The following DAB1 variants were observed in gnomAD, a reference collection of about 807,000 sequenced individuals.
DAB1 encodes disabled homolog 1.
Under a neutral mutation model 64.6 loss-of-function variants are expected in DAB1, and 15 were observed. The ratio of observed to expected loss-of-function variants is 0.23; its 90% confidence interval spans 0.16 to 0.36. The LOEUF (loss-of-function observed/expected upper bound fraction) is 0.36. DAB1 is among the 10% of genes least tolerant of loss of function. The pLI, the probability that DAB1 is intolerant of heterozygous loss-of-function variation, is 1.00. For synonymous variants in DAB1, 235 were observed against 251.9 expected, an observed-to-expected ratio of 0.93 and a Z score of 0.64; for missense variants, 596 against 706.7, an observed-to-expected ratio of 0.84 and a Z score of 1.78.
At chr1:57,336,712 C>T (rs143298938) in intron 1 of DAB1, among the ~76,000 whole-genome samples, 3 of 152,284 alleles carry the variant, frequency 2.0e-5, no homozygotes, top group African/African-American at 4.8e-5. Flanking sequence ...CATTATTCTG[C>T]CCCTTACAAG....
chr1:57,574,947 A>G (rs1645233821), intron 7 of DAB1, among the ~76,000 whole-genome samples: 1 of 152,208 alleles, frequency 6.6e-6, no homozygotes, highest in South Asian at 2.1e-4. Flanking sequence ...TCATCCATAT[A>G]AAAGATACCT....
intron 5 of DAB1, among the ~76,000 whole-genome samples, chr1:58,086,499 C>T (rs1402271122): frequency 2.6e-5 from 4 of 152,106 alleles, no homozygotes; most frequent in East Asian, 3.9e-4. Flanking sequence ...TAGTGTAAGG[C>T]GCTGGGGAGA....
intron 7 of DAB1, among the ~76,000 whole-genome samples, chr1:57,461,276 C>T (rs566129554): frequency 6.6e-6 from 1 of 152,208 alleles, no homozygotes; most frequent in Admixed American, 6.5e-5. Flanking sequence ...GAGAATTTTC[C>T]CTCTTCCATC....
chr1:58,176,955 G>T (rs1057346387), intron 4 of DAB1, among the ~76,000 whole-genome samples: 1 of 151,512 alleles, frequency 6.6e-6, no homozygotes, highest in Non-Finnish European at 1.5e-5. Flanking sequence ...CTCCAGCCTG[G>T]GTGACGGAGA....
intron 1 of DAB1, chr1:57,862,972 T>A (rs1201161976): frequency 6.6e-6 from 1 of 152,194 alleles, no homozygotes; most frequent in Non-Finnish European, 1.5e-5. Flanking sequence ...CATAAAGACT[T>A]GTGCACAAAT....
At chr1:57,043,389 T>G (rs1570577684) in intron 9 of DAB1, among the ~76,000 whole-genome samples, 1 of 152,296 alleles carries the variant, frequency 6.6e-6, no homozygotes, top group South Asian at 2.1e-4. Flanking sequence ...CACTTTGACA[T>G]GTAAGCTTTC....
chr1:57,303,110 G>A (rs537817255), intron 1 of DAB1, among the ~76,000 whole-genome samples: 2 of 152,294 alleles, frequency 1.3e-5, no homozygotes, highest in East Asian at 3.9e-4. Context: ...GAAAACTGGG[G>A]CTTTTGAACT....
At chr1:57,603,477 T>C (rs1415029309) in intron 7 of DAB1, among the ~76,000 whole-genome samples, 1 of 152,218 alleles carries the variant, frequency 6.6e-6, no homozygotes, top group Non-Finnish European at 1.5e-5. Flanking sequence ...CTCATCACTC[T>C]GACCATCTAA....
At chr1:58,490,137 C>T (rs1569876944) in intron 3 of DAB1, among the ~76,000 whole-genome samples, 1 of 152,128 alleles carries the variant, frequency 6.6e-6, no homozygotes, top group South Asian at 2.1e-4. Context: ...GACGATCAAA[C>T]TACTCTGAGC....
chr1:57,465,301 C>T (rs1166668774), intron 7 of DAB1, among the ~76,000 whole-genome samples: 5 of 152,198 alleles, frequency 3.3e-5, no homozygotes, highest in Non-Finnish European at 5.9e-5. Context: ...ACTCTGCACA[C>T]TAAATCTATT....
chr1:58,395,473 C>T (rs1272838053), intron 3 of DAB1, among the ~76,000 whole-genome samples: 1 of 152,172 alleles, frequency 6.6e-6, no homozygotes, highest in Non-Finnish European at 1.5e-5. Context: ...TTCTATGATA[C>T]CATATGTGGA....
At chr1:57,624,501 C>T (rs530977859) in intron 7 of DAB1, among the ~76,000 whole-genome samples, 1 of 152,148 alleles carries the variant, frequency 6.6e-6, no homozygotes, top group African/African-American at 2.4e-5. Context: ...GACGGTTATA[C>T]CCAACTTGAA....
At chr1:58,108,090 C>T (rs1651768453) in intron 5 of DAB1, among the ~76,000 whole-genome samples, 2 of 152,184 alleles carry the variant, frequency 1.3e-5, no homozygotes, top group African/African-American at 2.4e-5. Flanking sequence ...GCACACAGCA[C>T]TGGTGAGAAA....
intron 2 of DAB1, among the ~76,000 whole-genome samples, chr1:57,280,544 G>C (rs1445133255): frequency 1.3e-5 from 2 of 152,226 alleles, no homozygotes; most frequent in Non-Finnish European, 2.9e-5. Flanking sequence ...CAAGGACTCA[G>C]AGGGCTAATG....
chr1:57,641,378 G>GTTTTTTTTTTTTTTTTTTT (rs1491296848), intron 7 of DAB1, among the ~76,000 whole-genome samples: 1 of 109,804 alleles, frequency 9.1e-6, no homozygotes. Context: ...TTTTTTTGTT[G>GTTTTTTTTTTTTTTTTTTT]GTTTTTTTTT....
chr1:57,848,292 A>T (rs974369117), intron 1 of DAB1, among the ~76,000 whole-genome samples: 15 of 152,266 alleles, frequency 9.9e-5, no homozygotes, highest in Admixed American at 9.2e-4. Context: ...AACCTAACCA[A>T]GATAGCACAC....
At chr1:57,651,882 C>T (rs528905573) in intron 6 of DAB1, among the ~76,000 whole-genome samples, 9 of 152,280 alleles carry the variant, frequency 5.9e-5, no homozygotes, top group East Asian at 3.9e-4. Context: ...GCGAAAATTA[C>T]GGCAGTGAGG....
chr1:57,179,616 A>G (rs1662697881), intron 2 of DAB1, among the ~76,000 whole-genome samples: 2 of 152,152 alleles, frequency 1.3e-5, no homozygotes, highest in Admixed American at 1.3e-4. Context: ...TTCACTATGA[A>G]CCAATTTTTC....
intron 3 of DAB1, among the ~76,000 whole-genome samples, chr1:58,359,233 C>T (rs1338649856): frequency 6.6e-6 from 1 of 152,114 alleles, no homozygotes; most frequent in Non-Finnish European, 1.5e-5. Flanking sequence ...AGAAATGTTG[C>T]CCCTCTTCTT....
Sources: allele counts gnomAD v4.1 joint callset (sites outside exome capture counted in the v4.1 genomes callset), GRCh38; gene constraint gnomAD v4.1.1; transcripts MANE v1.5; gene names NCBI Gene and HGNC (gene_info 2026-07-23, HGNC 2026-07-21).